LOC131768270: variants seen among roughly 807,000 people sequenced by gnomAD.
At chr5:140,565,104 G>A in the LOC131768270 span, 2 of 394,476 alleles carry the variant, frequency 5.1e-6, no homozygotes, top group Non-Finnish European at 8.9e-6. Flanking sequence ...TACTAGCACA[G>A]ACTCAAAAAC....
At chr5:140,564,955 G>A in the LOC131768270 span, 208 of 399,908 alleles carry the variant, frequency 5.2e-4, no homozygotes, top group African/African-American at 4.1e-3. The surrounding 1 kb of genome is among the most constrained non-coding windows in gnomAD (Gnocchi z 5.0). Context: ...CGGCTCAGGA[G>A]TGAGGATGTC....
At chr5:140,567,019 C>T in the LOC131768270 span, 2 of 1,223,152 alleles carry the variant, frequency 1.6e-6, no homozygotes, top group Non-Finnish European at 2.4e-6. Context: ...CAAGCCCTGA[C>T]TGTGGAGTTG....
chr5:140,567,602 G>T, the LOC131768270 span: 1 of 1,614,256 alleles, frequency 6.2e-7, no homozygotes, highest in Non-Finnish European at 8.5e-7. Context: ...TCAGGGGTTA[G>T]CGCTGCTGCT....
chr5:140,568,855 CCT>C, the LOC131768270 span: 2 of 167,188 alleles, frequency 1.2e-5, no homozygotes, highest in Non-Finnish European at 2.9e-5. Flanking sequence ...CTCTGTTCAC[CCT>C]GAGGGCTGTC....
At chr5:140,565,796 A>G in the LOC131768270 span, 2 of 397,658 alleles carry the variant, frequency 5.0e-6, no homozygotes, top group Non-Finnish European at 4.4e-6. Context: ...TCCCCTCCCA[A>G]TTCCCAGCTT....
At chr5:140,565,722 G>T in the LOC131768270 span, 334,778 of 391,726 alleles carry the variant, frequency 0.85, 143,291 homozygotes, top group Middle Eastern at 0.91. Context: ...TTCAATGCTT[G>T]TCTTTCTTTG....
At chr5:140,567,029 G>T in the LOC131768270 span, 1 of 1,325,222 alleles carries the variant, frequency 7.5e-7, no homozygotes. Context: ...CTGTGGAGTT[G>T]GTAGATGCCT....
At chr5:140,567,152 C>T in the LOC131768270 span, 2 of 1,614,164 alleles carry the variant, frequency 1.2e-6, no homozygotes, top group Non-Finnish European at 1.7e-6. Flanking sequence ...CCTTAGCCAC[C>T]CAGGGTCTTG....
the LOC131768270 span, chr5:140,565,225 C>CA: frequency 3.7e-6 from 1 of 273,774 alleles, no homozygotes; most frequent in Non-Finnish European, 6.8e-6. Flanking sequence ...CTCATTCAAA[C>CA]ACTCCTTTGC....
chr5:140,567,687 C>T, the LOC131768270 span: 1 of 1,614,154 alleles, frequency 6.2e-7, no homozygotes, highest in Non-Finnish European at 8.5e-7. Flanking sequence ...AGTCCCCCTC[C>T]AGCAGCTGCT....
chr5:140,567,881 G>A, the LOC131768270 span: 111 of 1,614,222 alleles, frequency 6.9e-5, no homozygotes, highest in Middle Eastern at 8.2e-4. Context: ...TCTGCATGCT[G>A]GCGGCGGCTC....
the LOC131768270 span, among the ~76,000 whole-genome samples, chr5:140,566,188 G>C: frequency 6.6e-6 from 1 of 152,196 alleles, no homozygotes; most frequent in Non-Finnish European, 1.5e-5. Flanking sequence ...AGGCAGAACA[G>C]CATATGTAAA....
At chr5:140,565,100 C>T in the LOC131768270 span, 1 of 395,080 alleles carries the variant, frequency 2.5e-6, no homozygotes, top group Non-Finnish European at 4.5e-6. Context: ...CCGTTACTAG[C>T]ACAGACTCAA....
the LOC131768270 span, chr5:140,567,200 C>T: frequency 6.2e-7 from 1 of 1,613,506 alleles, no homozygotes; most frequent in Non-Finnish European, 8.5e-7. Flanking sequence ...TATGCCAGGC[C>T]TGGGCCGTCC....
At chr5:140,569,089 C>A in the LOC131768270 span, 1 of 167,082 alleles carries the variant, frequency 6.0e-6, no homozygotes, top group African/African-American at 2.4e-5. Flanking sequence ...GTGGTTCCTA[C>A]AACCACAGCC....
the LOC131768270 span, chr5:140,567,489 A>C: frequency 6.2e-7 from 1 of 1,614,126 alleles, no homozygotes; most frequent in Non-Finnish European, 8.5e-7. Context: ...ATCTATCTTC[A>C]GCGTTACATG....
At chr5:140,567,742 C>G in the LOC131768270 span, 3 of 1,614,176 alleles carry the variant, frequency 1.9e-6, no homozygotes, top group Non-Finnish European at 2.5e-6. Context: ...GCCTGCTGCT[C>G]CTCATTCTGT....
chr5:140,567,705 C>T, the LOC131768270 span: 3 of 1,614,032 alleles, frequency 1.9e-6, no homozygotes, highest in Non-Finnish European at 2.5e-6. Flanking sequence ...GCTGCCAGCC[C>T]CATGCCCCTG....
the LOC131768270 span, chr5:140,567,649 C>A: frequency 6.2e-7 from 1 of 1,614,104 alleles, no homozygotes; most frequent in South Asian, 1.1e-5. Context: ...CAGCAGGGGG[C>A]CTTCAAGTTC....
Sources: allele counts gnomAD v4.1 joint callset (sites outside exome capture counted in the v4.1 genomes callset), GRCh38; gene constraint gnomAD v4.1.1; non-coding constraint Gnocchi (gnomAD v3.1); transcripts MANE v1.5.